Variants in OPCML observed in about 807,000 individuals in gnomAD.
OPCML encodes the protein opioid binding protein/cell adhesion molecule like.
Under a neutral mutation model 37.8 loss-of-function variants are expected in OPCML, and 13 were observed. The observed-to-expected ratio is 0.34, with a 90% confidence interval of 0.22 to 0.55. The LOEUF is 0.55. Ranked by LOEUF, OPCML falls within the 20% of genes least tolerant of loss-of-function variation. The pLI, the probability that OPCML is intolerant of heterozygous loss-of-function variation, is 0.91. For missense variants in OPCML, 341 were observed against 435.6 expected (o/e 0.78, Z 1.93); for synonymous variants, 176 against 168.8 (o/e 1.04, Z -0.33).
chr11:132,826,402 G>A (rs1179867174), intron 2 of OPCML, among the ~76,000 whole-genome samples: 2 of 152,184 alleles, frequency 1.3e-5, no homozygotes, highest in Non-Finnish European at 2.9e-5. Context: ...CAGTCTGAGT[G>A]GGATGGTGAC....
intron 1 of OPCML, among the ~76,000 whole-genome samples, chr11:133,250,748 A>T (rs953208435): frequency 6.6e-6 from 1 of 152,212 alleles, no homozygotes. Context: ...ACTTTTCCAA[A>T]CTTGTAAAAT....
intron 1 of OPCML, among the ~76,000 whole-genome samples, chr11:133,414,948 G>A (rs1945728274): frequency 1.3e-5 from 2 of 152,036 alleles, no homozygotes; most frequent in African/African-American, 2.4e-5. Flanking sequence ...AGAAAATGTG[G>A]TGCCCAGCAC....
At chr11:132,688,018 G>A (rs1943238800) in intron 2 of OPCML, among the ~76,000 whole-genome samples, 1 of 152,082 alleles carries the variant, frequency 6.6e-6, no homozygotes, top group African/African-American at 2.4e-5. Context: ...TAATCATTCT[G>A]GATGTTGCTG....
intron 4 of OPCML, among the ~76,000 whole-genome samples, chr11:132,478,848 C>T (rs621452): frequency 0.87 from 131,982 of 152,220 alleles, 57,340 homozygotes; most frequent in East Asian, 0.99. Flanking sequence ...AGAAGCAAAA[C>T]GTATGCTGAG....
rs1030381651 is a variant in OPCML at position 132,653,176 on chromosome 11, G to C, written c.379+3911C>G. ...AAGCTGTTCTTTCCGAGTGGCATAG[G>C]ATCGTATCTCCCCAATCACTAGCAT... On this transcript the variant is annotated intron_variant, in intron 3 of 7. Coordinates refer to ENST00000524381, the MANE Select transcript of OPCML (RefSeq NM_001012393.5). Among the ~76,000 whole-genome samples, 115 of 152,140 alleles carry C rather than the reference G, an allele frequency of 7.6e-4. 4 individuals are homozygous for C. The highest frequency in any genetic ancestry group is 7.3e-5 in the Non-Finnish European group (5 of 68,036).
chr11:133,293,582 A>G (rs1195461713), intron 1 of OPCML, among the ~76,000 whole-genome samples: 1 of 152,160 alleles, frequency 6.6e-6, no homozygotes, highest in Non-Finnish European at 1.5e-5. Context: ...TGCCACGGAG[A>G]ATCAAACACA....
chr11:133,277,323 A>G (rs115633900), intron 1 of OPCML, among the ~76,000 whole-genome samples: 19 of 152,280 alleles, frequency 1.2e-4, no homozygotes, highest in African/African-American at 4.3e-4. Context: ...AAATGTGCCA[A>G]TTGGTTAACA....
rs556854454 is a variant in OPCML, at chr11:132,715,649, G to A, written c.147-58330C>T. The stretch of plus-strand genomic sequence containing the variant: ...GCTTTCTGCCATGTGAGGTTACAAT[G>A]AGAAGATGGCCGTCTGCAACCTGGA... On this transcript the variant is annotated intron_variant, in intron 2 of 7. Coordinates refer to ENST00000524381, the MANE Select transcript of OPCML (RefSeq NM_001012393.5). Among the ~76,000 whole-genome samples, 3 of 152,318 alleles carry A rather than the reference G, an allele frequency of 2.0e-5. No individual in the cohort carries two copies. The East Asian group carries it at 5.8e-4, about 29-fold the overall frequency.
chr11:133,076,756 A>C (rs1285149447), intron 1 of OPCML, among the ~76,000 whole-genome samples: 1 of 152,124 alleles, frequency 6.6e-6, no homozygotes, highest in Non-Finnish European at 1.5e-5. Context: ...CAGAGAAGCT[A>C]AGTGACTCTC....
chr11:133,159,004 A>G (rs1592059634), intron 1 of OPCML, among the ~76,000 whole-genome samples: 1 of 152,190 alleles, frequency 6.6e-6, no homozygotes, highest in Non-Finnish European at 1.5e-5. Context: ...CAGGCTTGTT[A>G]ATAAGATGAG....
intron 1 of OPCML, among the ~76,000 whole-genome samples, chr11:133,376,463 T>G (rs1184704921): frequency 6.6e-6 from 1 of 152,140 alleles, no homozygotes; most frequent in Non-Finnish European, 1.5e-5. Flanking sequence ...CCCATATACA[T>G]TAAAAGTCCC....
At chr11:132,706,936 G>A (rs1408954779) in intron 2 of OPCML, among the ~76,000 whole-genome samples, 2 of 152,208 alleles carry the variant, frequency 1.3e-5, no homozygotes, top group African/African-American at 2.4e-5. Flanking sequence ...CTCTCAAAGA[G>A]CTGGAGAACA....
intron 2 of OPCML, among the ~76,000 whole-genome samples, chr11:132,678,706 C>T (rs1165267990): frequency 6.6e-6 from 1 of 152,194 alleles, no homozygotes; most frequent in Non-Finnish European, 1.5e-5. Flanking sequence ...GAAAAACCAT[C>T]AGTGGCTATT....
Position 132,554,883 on chromosome 11 carries a change from T to TTTTTTTTTTTTC in OPCML, c.380-25698_380-25697insGAAAAAAAAAAA, listed in dbSNP as rs1255603307. On this transcript the variant is annotated intron_variant, in intron 3 of 7. Coordinates refer to ENST00000524381, the MANE Select transcript of OPCML (RefSeq NM_001012393.5). ...GTAAAGTTTTTTTTTTTTTTTTTTT[T>TTTTTTTTTTTTC]TTTTTTTTCATTAGCTCTATGGTTA... Among the ~76,000 whole-genome samples the TTTTTTTTTTTTC allele has an allele frequency of 6.2e-3, 778 of 125,682 alleles. 40 individuals carry two copies. Among genetic ancestry groups the TTTTTTTTTTTTC allele is most frequent in the East Asian group, 0.042 (119 of 2,842 alleles). 82.5% of individuals were successfully genotyped at this position (125,682 alleles called of 152,430 possible). A position where few individuals can be genotyped will look rare whatever the true frequency, so the allele number is the denominator to read the frequency against.
intron 2 of OPCML, among the ~76,000 whole-genome samples, chr11:132,799,410 C>G (rs1016967871): frequency 5.3e-5 from 8 of 152,182 alleles, no homozygotes; most frequent in Middle Eastern, 3.4e-3. Context: ...CTCCCTCAGA[C>G]TTTAGAATTG....
intron 1 of OPCML, chr11:133,009,119 T>G (rs895165625): frequency 2.0e-6 from 2 of 985,276 alleles, no homozygotes; most frequent in Non-Finnish European, 2.4e-6. Flanking sequence ...TTAATTCTAT[T>G]TAACAGAGAA....
intron 1 of OPCML, among the ~76,000 whole-genome samples, chr11:133,399,789 T>A (rs1945361518): frequency 6.6e-6 from 1 of 151,906 alleles, no homozygotes. Flanking sequence ...TTAAGCAGCA[T>A]GTCATTTCTA....
chr11:132,479,672 A>T (rs1334449795), intron 4 of OPCML, among the ~76,000 whole-genome samples: 3 of 152,178 alleles, frequency 2.0e-5, no homozygotes, highest in South Asian at 4.1e-4. Context: ...ACGCAGCTGG[A>T]GATCTGAGAA....
chr11:132,476,404 G>A (rs535530175), intron 4 of OPCML, among the ~76,000 whole-genome samples: 1 of 151,940 alleles, frequency 6.6e-6, no homozygotes, highest in South Asian at 2.1e-4. Context: ...TGTTTATTGC[G>A]GCACTATTCA....
Sources: gnomAD v4.1 joint callset for allele counts (sites outside exome capture counted in the v4.1 genomes callset) on GRCh38, gnomAD v4.1.1 for gene constraint, MANE v1.5 for transcripts, NCBI Gene and HGNC (gene_info 2026-07-23, HGNC 2026-07-21) for gene names.